CIAPIN1: variants seen among roughly 807,000 people sequenced by gnomAD.
CIAPIN1 encodes the protein cytokine induced apoptosis inhibitor 1.
A neutral mutation model predicts 34.3 loss-of-function variants in CIAPIN1; 18 were observed. The observed-to-expected ratio is 0.52, with a 90% CI of 0.36 to 0.78. The LOEUF (loss-of-function observed/expected upper bound fraction) is 0.78. CIAPIN1 is among the 30% of genes least tolerant of loss of function. The probability of loss-of-function intolerance (pLI) is 0.00; values close to 1 mark genes in which losing one functional copy is unlikely to be tolerated. For missense variants in CIAPIN1, 310 were observed against 372.5 expected (o/e 0.83, Z 1.38); for synonymous variants, 131 against 140.4 (o/e 0.93, Z 0.47).
Position 57,445,834 on chromosome 16 carries a change from G to GTT in CIAPIN1, c.-56+1506_-56+1507dup, listed in dbSNP as rs751037117. Reference sequence around the variant, plus strand: ...AGACACTTAGACTAAGACCTTAGAGGTTTTTTTTTTTTTTTTTTTTTTTTT... The same window carrying GTT: ...AGACACTTAGACTAAGACCTTAGAGGTTTTTTTTTTTTTTTTTTTTTTTTTTT... On this transcript the variant is annotated intron_variant, in intron 1 of 8. Transcript: ENST00000394391. Among the ~76,000 whole-genome samples, 143 of 70,492 alleles carry GTT rather than the reference G, an allele frequency of 2.0e-3. 7 individuals are homozygous for GTT. The highest frequency in any genetic ancestry group is 4.7e-3 in the South Asian group (7 of 1,500). 46.2% of individuals were successfully genotyped at this position (70,492 alleles called of 152,430 possible). A position where few individuals can be genotyped will look rare whatever the true frequency, so the allele number is the denominator to read the frequency against.
At chr16:57,430,222 G>C in intron 8 of CIAPIN1, 36 bp downstream of exon 8, 1 of 1,570,882 alleles carries the variant, frequency 6.4e-7, no homozygotes, top group Non-Finnish European at 8.8e-7. Context: ...TCCCCCTGGG[G>C]GTTTGTGAAT....
chr16:57,441,131 A>G (rs1038924731), intron 1 of CIAPIN1, 148 bp from the exon 2 acceptor site: 30 of 413,534 alleles, frequency 7.3e-5, no homozygotes, highest in African/African-American at 5.4e-4. Flanking sequence ...CATGAACCCC[A>G]TTATCTCAAG....
chr16:57,436,629 A>G, intron 4 of CIAPIN1, 27 bp downstream of exon 4: 1 of 1,568,252 alleles, frequency 6.4e-7, no homozygotes, highest in Non-Finnish European at 8.8e-7. Context: ...CCTGCAGGGC[A>G]GCAAAGAAAG....
In CIAPIN1 at chr16:57,428,199, CTT is replaced by C. The variant is rs1158364672; in HGVS notation, c.*969_*970del. The C allele has an allele frequency of 6.6e-6, 1 of 152,182 alleles. No individual in the cohort carries two copies. The highest frequency in any genetic ancestry group is 2.4e-5 in the African/African-American group (1 of 41,444). The allele number at this position is 152,182 out of a possible 1,614,324, so 9.4% of individuals were successfully genotyped here. A position where few individuals can be genotyped will look rare whatever the true frequency, so the allele number is the denominator to read the frequency against. On this transcript the variant is annotated 3_prime_UTR_variant, in exon 9 of 9. Transcript: ENST00000394391. ...TTTCAAGGACAGATATCAATGAAAA[CTT>C]TTATTTACTGGTAAAATATAAAAAT... is the stretch of plus-strand genomic sequence containing the variant.
chr16:57,445,809 A>G (rs1482901390), intron 1 of CIAPIN1, among the ~76,000 whole-genome samples: 1 of 139,880 alleles, frequency 7.1e-6, no homozygotes, highest in Non-Finnish European at 1.5e-5. Flanking sequence ...CGCTCTGTCT[A>G]GACACTTAGA....
At chr16:57,439,094 A>C in intron 3 of CIAPIN1, 88 bp downstream of exon 3, 1 of 1,351,338 alleles carries the variant, frequency 7.4e-7, no homozygotes, top group Non-Finnish European at 1.0e-6. Flanking sequence ...CTGATCTCCC[A>C]ATGATACCTC....
chr16:57,436,688 G>A lies in CIAPIN1; in HGVS notation c.355C>T (p.Leu119=). The change falls in exon 4 of 9, where the codon CTG becomes TTG. Residue 119 remains leucine (L), a synonymous_variant. Transcript: ENST00000394391. ...VKTASKLCSA[L]TLSGLVEVKE... ...ACTTCCACAAGACCAGAAAGAGTCAGGGCTGAACACAGCTTAGATGCTGTC... is the reference window on the plus strand; with the variant it reads ...ACTTCCACAAGACCAGAAAGAGTCAAGGCTGAACACAGCTTAGATGCTGTC... 1 of 1,613,962 alleles carries A rather than the reference G, an allele frequency of 6.2e-7. No homozygotes were observed. The highest frequency in any genetic ancestry group is 2.2e-5 in the East Asian group (1 of 44,886).
chr16:57,429,403 T>A (rs1903028456), intron 8 of CIAPIN1, 123 bp from the exon 9 acceptor site: 3 of 650,924 alleles, frequency 4.6e-6, no homozygotes, highest in Non-Finnish European at 8.2e-6. Context: ...TGTTTGCAGG[T>A]CCAATTGAGA....
At chr16:57,441,041 C>A (rs913011911) in intron 1 of CIAPIN1, 58 bp from the exon 2 acceptor site, 47 of 1,170,452 alleles carry the variant, frequency 4.0e-5, no homozygotes, top group Non-Finnish European at 5.5e-5. Flanking sequence ...TGATTAGAAT[C>A]CCAACCTAAC....
chr16:57,436,304 T>G (rs1310750551), intron 4 of CIAPIN1, among the ~76,000 whole-genome samples: 2 of 152,228 alleles, frequency 1.3e-5, no homozygotes, highest in East Asian at 3.8e-4. Flanking sequence ...CTCGGCTCAC[T>G]GCAAGCTCCG....
chr16:57,430,512 G>C (rs541668760), intron 7 of CIAPIN1, 173 bp from the exon 8 acceptor site: 1 of 622,740 alleles, frequency 1.6e-6, no homozygotes, highest in Admixed American at 2.7e-5. Context: ...GGAGACAGAA[G>C]TGGGAGGAGG....
intron 5 of CIAPIN1, 32 bp from the exon 6 acceptor site, chr16:57,432,592 T>C: frequency 6.3e-7 from 1 of 1,577,126 alleles, no homozygotes; most frequent in East Asian, 2.2e-5. Context: ...AAAAACTCCA[T>C]AAACACAGTC....
Position 57,430,354 on chromosome 16 carries a change from G to C in CIAPIN1, c.747-15C>G, listed in dbSNP as rs1294409555. ...GGCCACAGGTGCTGCGGGAAAATCA[G>C]TAACTAATGAACGAGAATTGTCACC... On this transcript the variant is annotated splice_polypyrimidine_tract_variant and intron_variant, in intron 7 of 8. Coordinates refer to ENST00000394391, the MANE Select transcript of CIAPIN1 (RefSeq NM_020313.4). The C allele has an allele frequency of 6.2e-7, 1 of 1,613,412 alleles. No individual in the cohort carries two copies. Among genetic ancestry groups the C allele is most frequent in the East Asian group, 2.2e-5 (1 of 44,886 alleles).
intron 1 of CIAPIN1, among the ~76,000 whole-genome samples, chr16:57,443,798 C>G (rs1322830990): frequency 9.9e-5 from 15 of 152,152 alleles, no homozygotes; most frequent in African/African-American, 3.6e-4. Flanking sequence ...AGAACTGAAA[C>G]TTTTAACTGG....
intron 3 of CIAPIN1, among the ~76,000 whole-genome samples, chr16:57,437,080 T>C (rs1378123232): frequency 6.6e-6 from 1 of 152,120 alleles, no homozygotes; most frequent in South Asian, 2.1e-4. Flanking sequence ...TGAGCCGAGA[T>C]TGCACCACTG....
In CIAPIN1 at chr16:57,431,207, A is replaced by C; in HGVS notation, c.690T>G (p.Ala230=). The part of the protein sequence containing the change: ...DPEDLKKPDP[A]SLRAASCGEG... The stretch of plus-strand genomic sequence containing the variant: ...CCCCACAAGAAGCAGCCCGCAGGGA[A>C]GCTGGATCTGGCTTCTTCAAATCTT... The change falls in exon 7 of 9, where the codon GCT becomes GCG. Residue 230 remains alanine, a synonymous_variant. Transcript: ENST00000394391. 6.2e-7 allele frequency: 1 copy of C among 1,613,908 alleles called. No homozygotes were observed. Among genetic ancestry groups the C allele is most frequent in the South Asian group, 1.1e-5 (1 of 91,068 alleles).
chr16:57,438,722 C>T (rs1383108552), intron 3 of CIAPIN1, among the ~76,000 whole-genome samples: 2 of 152,170 alleles, frequency 1.3e-5, no homozygotes, highest in African/African-American at 2.4e-5. Flanking sequence ...ACCCTTTCCT[C>T]CCACTTCTAA....
Position 57,430,252 on chromosome 16 carries a change from A to G in CIAPIN1, c.828+6T>C. 1.2e-6 allele frequency: 2 copies of G among 1,613,250 alleles called. No homozygotes were observed. Among genetic ancestry groups the G allele is most frequent in the African/African-American group, 1.3e-5 (1 of 75,042 alleles). Reference sequence around the variant, plus strand: ...GTGAATGCTGAGGAATGATCCTGATATTTACGTTTCCACAAGCTGACTTGG... The same window carrying G: ...GTGAATGCTGAGGAATGATCCTGATGTTTACGTTTCCACAAGCTGACTTGG... On this transcript the variant is annotated splice_donor_region_variant and intron_variant, in intron 8 of 8. Coordinates refer to ENST00000394391, the MANE Select transcript of CIAPIN1 (RefSeq NM_020313.4).
chr16:57,442,247 G>T (rs1244736906), intron 1 of CIAPIN1, among the ~76,000 whole-genome samples: 1 of 152,066 alleles, frequency 6.6e-6, no homozygotes, highest in Non-Finnish European at 1.5e-5. Context: ...TCACGAGGCT[G>T]AGGAAGGAGA....
Sources: gnomAD v4.1 joint callset for allele counts (sites outside exome capture counted in the v4.1 genomes callset) on GRCh38, gnomAD v4.1.1 for gene constraint, MANE v1.5 for transcripts, NCBI Gene and HGNC (gene_info 2026-07-23, HGNC 2026-07-21) for gene names.